The following TRPM3 variants were observed in gnomAD, a reference collection of about 807,000 sequenced individuals.
TRPM3 encodes the protein long transient receptor potential channel 3.
Under a neutral mutation model 181.2 loss-of-function variants are expected in TRPM3, and 77 were observed. That is an observed-to-expected ratio of 0.42 (90% CI 0.35 to 0.51). The LOEUF (loss-of-function observed/expected upper bound fraction) is 0.51. TRPM3 is among the 20% of genes least tolerant of loss of function. The probability of loss-of-function intolerance (pLI) is 0.01; values close to 1 mark genes in which losing one functional copy is unlikely to be tolerated. For synonymous variants in TRPM3, 745 were observed against 796.4 expected (o/e 0.94, Z 1.09); for missense variants, 1,759 against 2,196.7 (o/e 0.80, Z 3.98).
At chr9:70,661,411 T>TCAA (rs2061119073) in intron 9 of TRPM3, among the ~76,000 whole-genome samples, 2 of 152,092 alleles carry the variant, frequency 1.3e-5, no homozygotes, top group African/African-American at 4.8e-5. Context: ...CCACTTCTAT[T>TCAA]CAACTTAGTA....
intron 8 of TRPM3, among the ~76,000 whole-genome samples, chr9:70,757,803 T>C (rs1169747195): frequency 6.6e-6 from 1 of 152,174 alleles, no homozygotes; most frequent in Non-Finnish European, 1.5e-5. Flanking sequence ...AAACTCTCAG[T>C]AAACTAGGTA....
intron 1 of TRPM3, among the ~76,000 whole-genome samples, chr9:71,311,384 C>T (rs1411990776): frequency 6.6e-6 from 1 of 152,064 alleles, no homozygotes; most frequent in Non-Finnish European, 1.5e-5. Context: ...AATATCTCTT[C>T]AAGACAGTGT....
chr9:70,917,279 A>T, intron 1 of TRPM3: 1 of 1,448,338 alleles, frequency 6.9e-7, no homozygotes, highest in East Asian at 2.3e-5. Flanking sequence ...AGCATAGTCA[A>T]TTAGGAAGCG....
intron 1 of TRPM3, among the ~76,000 whole-genome samples, chr9:71,041,941 AAAT>A (rs776686165): frequency 2.3e-4 from 35 of 152,280 alleles, no homozygotes; most frequent in Non-Finnish European, 4.6e-4. Context: ...AGATAATTAA[AAAT>A]AATAATAATA....
intron 1 of TRPM3, among the ~76,000 whole-genome samples, chr9:70,950,624 G>T (rs1254641523): frequency 6.6e-6 from 1 of 152,178 alleles, no homozygotes; most frequent in Non-Finnish European, 1.5e-5. Flanking sequence ...CAGTGAATGG[G>T]CAGAGACAGG....
chr9:71,245,955 AG>A (rs1322196392), intron 1 of TRPM3, among the ~76,000 whole-genome samples: 1 of 152,194 alleles, frequency 6.6e-6, no homozygotes, highest in Non-Finnish European at 1.5e-5. Context: ...AAGTTAAAGG[AG>A]AATGGCTTTT....
intron 1 of TRPM3, among the ~76,000 whole-genome samples, chr9:71,309,733 A>T (rs2087738814): frequency 1.3e-5 from 2 of 152,166 alleles, no homozygotes; most frequent in African/African-American, 4.8e-5. Context: ...TTCTGCAAGC[A>T]ATACGCTGAT....
chr9:70,922,882 T>C (rs376308834), intron 1 of TRPM3, among the ~76,000 whole-genome samples: 13 of 152,194 alleles, frequency 8.5e-5, no homozygotes, highest in East Asian at 7.7e-4. Flanking sequence ...GCATGTTATA[T>C]AGAATGTAAT....
chr9:70,787,834 TGAA>T (rs2084223879), intron 6 of TRPM3, among the ~76,000 whole-genome samples: 1 of 148,948 alleles, frequency 6.7e-6, no homozygotes, highest in Non-Finnish European at 1.5e-5. Context: ...AATGGTTTAT[TGAA>T]GAATAACATA....
chr9:71,306,458 T>C (rs574383279), intron 1 of TRPM3, among the ~76,000 whole-genome samples: 42 of 152,348 alleles, frequency 2.8e-4, no homozygotes, highest in Non-Finnish European at 7.4e-5. Flanking sequence ...ATATTCAACA[T>C]AGAAACTTTT....
At chr9:70,650,812 C>T (rs559364212) in intron 9 of TRPM3, among the ~76,000 whole-genome samples, 11 of 152,270 alleles carry the variant, frequency 7.2e-5, no homozygotes, top group Admixed American at 1.3e-4. Flanking sequence ...ATGATTCCCC[C>T]GCTTCATTCT....
intron 1 of TRPM3, among the ~76,000 whole-genome samples, chr9:71,211,795 C>T (rs1767113301): frequency 6.6e-6 from 1 of 152,044 alleles, no homozygotes; most frequent in Non-Finnish European, 1.5e-5. Context: ...TTAGGTGTGA[C>T]CTCATCATTT....
At chr9:71,159,739 A>C (rs1424466428) in intron 1 of TRPM3, among the ~76,000 whole-genome samples, 1 of 152,138 alleles carries the variant, frequency 6.6e-6, no homozygotes, top group Non-Finnish European at 1.5e-5. Context: ...TTGCTTCCTT[A>C]CTATTTGAAG....
intron 1 of TRPM3, among the ~76,000 whole-genome samples, chr9:70,883,991 A>G (rs2096044011): frequency 6.6e-6 from 1 of 152,174 alleles, no homozygotes; most frequent in East Asian, 1.9e-4. Context: ...TTGCATTTGG[A>G]AACGATTGCA....
chr9:71,376,518 G>A (rs752194909), intron 1 of TRPM3, among the ~76,000 whole-genome samples: 10 of 151,728 alleles, frequency 6.6e-5, no homozygotes, highest in African/African-American at 9.7e-5. Context: ...TTCCTAGTTA[G>A]GATAATAGAA....
intron 1 of TRPM3, among the ~76,000 whole-genome samples, chr9:71,365,120 T>C (rs1193595858): frequency 6.6e-6 from 1 of 152,148 alleles, no homozygotes; most frequent in Non-Finnish European, 1.5e-5. Flanking sequence ...AGCCAATTTC[T>C]CTTTTAGTGC....
chr9:70,785,088 T>A (rs1264778671), intron 6 of TRPM3, among the ~76,000 whole-genome samples: 1 of 152,222 alleles, frequency 6.6e-6, no homozygotes, highest in Non-Finnish European at 1.5e-5. Flanking sequence ...CCAGGAGATA[T>A]GGTATCTGCC....
chr9:70,951,044 C>A (rs1368277094), intron 1 of TRPM3, among the ~76,000 whole-genome samples: 1 of 152,052 alleles, frequency 6.6e-6, no homozygotes, highest in Non-Finnish European at 1.5e-5. Context: ...AACTCTAAAT[C>A]TGCAAACTAT....
intron 1 of TRPM3, among the ~76,000 whole-genome samples, chr9:71,305,067 G>A (rs991496128): frequency 1.3e-5 from 2 of 152,146 alleles, no homozygotes; most frequent in Non-Finnish European, 2.9e-5. Context: ...AAGAAACTGA[G>A]ACTGAAAGAG....
Sources: allele counts gnomAD v4.1 joint callset (sites outside exome capture counted in the v4.1 genomes callset), GRCh38; gene constraint gnomAD v4.1.1; transcripts MANE v1.5; gene names NCBI Gene and HGNC (gene_info 2026-07-23, HGNC 2026-07-21).